The following LRRTM4 variants were observed in gnomAD, a reference collection of about 807,000 sequenced individuals.
The protein encoded by LRRTM4 is leucine-rich repeat transmembrane neuronal protein 4.
Under a neutral mutation model 47.6 loss-of-function variants are expected in LRRTM4, and 25 were observed. The observed-to-expected ratio is 0.53, with a 90% CI of 0.38 to 0.73. The LOEUF (loss-of-function observed/expected upper bound fraction) is 0.73. Ranked by LOEUF, LRRTM4 falls within the 30% of genes least tolerant of loss-of-function variation. The pLI is 0.00. For synonymous variants in LRRTM4, 311 were observed against 269.5 expected, an observed-to-expected ratio of 1.15 and a Z score of -1.51; for missense variants, 638 against 713.4, an observed-to-expected ratio of 0.89 and a Z score of 1.20.
intron 3 of LRRTM4, among the ~76,000 whole-genome samples, chr2:77,412,319 A>T (rs960010671): frequency 1.3e-5 from 2 of 152,222 alleles, no homozygotes; most frequent in African/African-American, 2.4e-5. Flanking sequence ...AGACTAGCAG[A>T]TGGTGGGATA....
chr2:77,297,938 G>T (rs530447774), intron 3 of LRRTM4, among the ~76,000 whole-genome samples: 1 of 152,168 alleles, frequency 6.6e-6, no homozygotes, highest in African/African-American at 2.4e-5. Context: ...TTTAAATCTT[G>T]CATTGTTTCC....
At position 76,969,089 on chromosome 2, in the gene LRRTM4, A is replaced by T. The variant is rs531443256; in HGVS notation, c.1552-220173T>A. Among the ~76,000 whole-genome samples, 4 of 151,990 alleles carry T rather than the reference A, an allele frequency of 2.6e-5. No homozygotes were observed. The South Asian group carries it at 8.3e-4, about 32-fold the overall frequency. On this transcript the variant is annotated intron_variant, in intron 3 of 3. Transcript: ENST00000409884. ...TCACTTTTTAAAGTTGAAGAAATTC[A>T]ATTTTTTATAACTCAGAAACATGTT...
chr2:77,460,865 T>G (rs1676762248), intron 3 of LRRTM4, among the ~76,000 whole-genome samples: 1 of 152,124 alleles, frequency 6.6e-6, no homozygotes, highest in Admixed American at 6.6e-5. Context: ...GGCAGGTGCA[T>G]GTCAGTCATC....
At chr2:77,096,548 A>C (rs17013692) in intron 3 of LRRTM4, among the ~76,000 whole-genome samples, 21,515 of 151,494 alleles carry the variant, frequency 0.14, 2,242 homozygotes, top group East Asian at 0.44. Context: ...GTCGAGAATA[A>C]AAGACAAAAT....
chr2:76,931,467 C>T (rs1674766953), intron 3 of LRRTM4, among the ~76,000 whole-genome samples: 1 of 152,090 alleles, frequency 6.6e-6, no homozygotes, highest in African/African-American at 2.4e-5. Flanking sequence ...CAATGTCTTC[C>T]TTTAATCCTG....
intron 3 of LRRTM4, among the ~76,000 whole-genome samples, chr2:77,190,380 C>T (rs181972374): frequency 6.6e-6 from 1 of 151,014 alleles, no homozygotes; most frequent in Admixed American, 6.6e-5. Context: ...ACTGCAACCT[C>T]CGCCTCCCAG....
At chr2:77,470,160 G>A (rs564750702) in intron 3 of LRRTM4, among the ~76,000 whole-genome samples, 56 of 152,194 alleles carry the variant, frequency 3.7e-4, no homozygotes, top group Admixed American at 9.2e-4. Context: ...TCAAAAATGC[G>A]TAATACCAGG....
intron 3 of LRRTM4, among the ~76,000 whole-genome samples, chr2:76,868,838 C>T (rs1182583417): frequency 6.6e-6 from 1 of 152,004 alleles, no homozygotes; most frequent in Non-Finnish European, 1.5e-5. Context: ...TTTTTTTACC[C>T]CAATAAAATC....
chr2:76,895,964 G>A (rs781397572), intron 3 of LRRTM4, among the ~76,000 whole-genome samples: 2 of 151,980 alleles, frequency 1.3e-5, no homozygotes, highest in African/African-American at 4.8e-5. Context: ...GGTTTACAGG[G>A]TGAATAAAAG....
At chr2:76,990,510 A>G (rs1676966122) in intron 3 of LRRTM4, among the ~76,000 whole-genome samples, 2 of 151,832 alleles carry the variant, frequency 1.3e-5, no homozygotes, top group Non-Finnish European at 2.9e-5. Context: ...CTTCTATCAG[A>G]TAAAACAGAC....
At position 77,011,153 on chromosome 2, in the gene LRRTM4, AAAAG is replaced by A. The variant is rs1004621825; in HGVS notation, c.1552-262241_1552-262238del. Among the ~76,000 whole-genome samples the A allele has an allele frequency of 2.3e-4, 35 of 152,232 alleles. No homozygotes were observed. In the East Asian group the frequency reaches 3.9e-3, roughly 17 times the overall value. ...ATTTTTTAGTAATCATGTCTTAGTAAAAAGAAAGAGATAAAAATAGTTTTAACAC... is the reference window on the plus strand; with the variant it reads ...ATTTTTTAGTAATCATGTCTTAGTAAAAAGAGATAAAAATAGTTTTAACAC... On this transcript the variant is annotated intron_variant, in intron 3 of 3. Transcript: ENST00000409884.
At chr2:76,883,972 C>A (rs1673000200) in intron 3 of LRRTM4, among the ~76,000 whole-genome samples, 1 of 150,230 alleles carries the variant, frequency 6.7e-6, no homozygotes. Flanking sequence ...TGCACACCAC[C>A]ACACCCGGCT....
chr2:77,294,306 A>C (rs1032242283), intron 3 of LRRTM4, among the ~76,000 whole-genome samples: 7 of 152,140 alleles, frequency 4.6e-5, no homozygotes, highest in African/African-American at 9.7e-5. Context: ...AGTTATGTGA[A>C]GAGCCATAAT....
intron 3 of LRRTM4, among the ~76,000 whole-genome samples, chr2:77,422,172 G>A (rs1015454898): frequency 1.3e-5 from 2 of 152,188 alleles, no homozygotes; most frequent in African/African-American, 4.8e-5. Flanking sequence ...GATCCTCATT[G>A]TTACGCAATG....
intron 3 of LRRTM4, among the ~76,000 whole-genome samples, chr2:77,116,938 T>A (rs918972519): frequency 6.6e-6 from 1 of 151,944 alleles, no homozygotes; most frequent in African/African-American, 2.4e-5. Flanking sequence ...AAACTGTTAA[T>A]ACACACACAG....
At chr2:76,963,298 T>C (rs1482950596) in intron 3 of LRRTM4, among the ~76,000 whole-genome samples, 1 of 150,910 alleles carries the variant, frequency 6.6e-6, no homozygotes, top group East Asian at 2.0e-4. Context: ...TACTGTATTC[T>C]TAAGTAAATG....
intron 3 of LRRTM4, among the ~76,000 whole-genome samples, chr2:77,074,041 T>A (rs1444569459): frequency 6.6e-6 from 1 of 152,068 alleles, no homozygotes; most frequent in African/African-American, 2.4e-5. Flanking sequence ...CTACATTGTT[T>A]AAAAAGTTCA....
chr2:77,069,427 G>GCA (rs1306659116), intron 3 of LRRTM4, among the ~76,000 whole-genome samples: 2 of 151,496 alleles, frequency 1.3e-5, no homozygotes, highest in Admixed American at 6.6e-5. Context: ...GTGTGTGTGT[G>GCA]TGTGTGTGTG....
intron 3 of LRRTM4, among the ~76,000 whole-genome samples, chr2:77,213,234 G>T (rs1674343908): frequency 1.3e-5 from 2 of 152,148 alleles, no homozygotes; most frequent in African/African-American, 4.8e-5. Flanking sequence ...AAGTAGGGAA[G>T]TGTGGTCTTG....
Sources: allele counts gnomAD v4.1 joint callset (sites outside exome capture counted in the v4.1 genomes callset), GRCh38; gene constraint gnomAD v4.1.1; transcripts MANE v1.5; gene names NCBI Gene and HGNC (gene_info 2026-07-23, HGNC 2026-07-21).